ITFG1: variants seen among roughly 807,000 people sequenced by gnomAD.
ITFG1 encodes the protein T-cell immunomodulatory protein.
ITFG1 carries 34 observed loss-of-function variants against 81.8 expected under a neutral mutation model. The observed-to-expected ratio is 0.42, with a 90% CI of 0.32 to 0.55. The LOEUF is 0.55. ITFG1 is among the 20% of genes least tolerant of loss of function. ITFG1 has a pLI of 0.17. For synonymous variants in ITFG1, 285 were observed against 270.6 expected, an observed-to-expected ratio of 1.05 and a Z score of -0.52; for missense variants, 672 against 755.4, an observed-to-expected ratio of 0.89 and a Z score of 1.29.
At chr16:47,237,449 AT>A (rs1965889396) in intron 13 of ITFG1, among the ~76,000 whole-genome samples, 1 of 152,210 alleles carries the variant, frequency 6.6e-6, no homozygotes, top group Admixed American at 6.5e-5. Context: ...TAAATACAAT[AT>A]TCTTATTACA....
At chr16:47,448,070 A>G (rs1020766280) in intron 5 of ITFG1, 2 of 152,206 alleles carry the variant, frequency 1.3e-5, no homozygotes, top group Admixed American at 6.5e-5. Context: ...TATGGGTATT[A>G]ACGCTGATTA....
chr16:47,406,276 T>C (rs1448002472), intron 6 of ITFG1, among the ~76,000 whole-genome samples: 1 of 152,168 alleles, frequency 6.6e-6, no homozygotes, highest in Non-Finnish European at 1.5e-5. Flanking sequence ...TCTTGAAAAA[T>C]GTGTCTGTTA....
At chr16:47,350,753 C>T (rs1400084939) in intron 8 of ITFG1, among the ~76,000 whole-genome samples, 1 of 152,018 alleles carries the variant, frequency 6.6e-6, no homozygotes, top group South Asian at 2.1e-4. Flanking sequence ...CGGGCAGAGC[C>T]ACAACAAAAA....
intron 5 of ITFG1, among the ~76,000 whole-genome samples, chr16:47,438,715 T>C (rs1030795227): frequency 6.6e-6 from 1 of 152,122 alleles, no homozygotes; most frequent in African/African-American, 2.4e-5. Flanking sequence ...CAAAGGTAGA[T>C]AAAACCACAA....
chr16:47,456,166 C>T (rs1969450261), intron 2 of ITFG1, among the ~76,000 whole-genome samples: 2 of 152,066 alleles, frequency 1.3e-5, no homozygotes, highest in African/African-American at 4.8e-5. Context: ...TGTGACTGCA[C>T]TCCTTTTTCA....
chr16:47,276,864 G>T (rs779810874), intron 10 of ITFG1, among the ~76,000 whole-genome samples: 3 of 152,046 alleles, frequency 2.0e-5, no homozygotes, highest in Non-Finnish European at 4.4e-5. Flanking sequence ...CAAAAATAAA[G>T]TTTAGGTACA....
intron 13 of ITFG1, among the ~76,000 whole-genome samples, chr16:47,222,923 TA>T (rs558781137): frequency 1.5e-3 from 229 of 152,242 alleles, no homozygotes; most frequent in Non-Finnish European, 2.6e-3. Context: ...ATTTAGGAAA[TA>T]ACGCCGTATA....
chr16:47,358,943 G>A (rs1397497450), intron 8 of ITFG1, among the ~76,000 whole-genome samples: 2 of 152,014 alleles, frequency 1.3e-5, no homozygotes, highest in Non-Finnish European at 2.9e-5. Context: ...CAGGAAAGCA[G>A]GGCGGAAGTG....
chr16:47,178,020 G>T (rs1440461263), intron 14 of ITFG1, among the ~76,000 whole-genome samples: 1 of 152,170 alleles, frequency 6.6e-6, no homozygotes, highest in Non-Finnish European at 1.5e-5. Flanking sequence ...GACGCCAAAA[G>T]ATATTATGAC....
intron 13 of ITFG1, among the ~76,000 whole-genome samples, chr16:47,234,197 T>C (rs1199702959): frequency 6.6e-6 from 1 of 152,186 alleles, no homozygotes; most frequent in Non-Finnish European, 1.5e-5. Flanking sequence ...CATTTTGGAA[T>C]GATCAGACCA....
chr16:47,195,741 T>G (rs1965350010), intron 14 of ITFG1, among the ~76,000 whole-genome samples: 1 of 152,146 alleles, frequency 6.6e-6, no homozygotes, highest in Admixed American at 6.5e-5. Context: ...TGTTGTTGTT[T>G]TAATTTCTTC....
At chr16:47,201,211 T>C (rs1263525694) in intron 14 of ITFG1, among the ~76,000 whole-genome samples, 1 of 151,184 alleles carries the variant, frequency 6.6e-6, no homozygotes, top group South Asian at 2.1e-4. Context: ...AGGAGAATTT[T>C]TTTTTTTTTT....
At chr16:47,182,916 C>A (rs186350462) in intron 14 of ITFG1, among the ~76,000 whole-genome samples, 23 of 152,250 alleles carry the variant, frequency 1.5e-4, no homozygotes, top group Admixed American at 1.5e-3. Flanking sequence ...GTGCGCACAC[C>A]GTGCGCGAGC....
rs543462166 is a variant in ITFG1, at chr16:47,158,801, G to A, written c.1779+72C>T. On this transcript the variant is annotated intron_variant, in intron 17 of 17. Coordinates refer to ENST00000320640, the MANE Select transcript of ITFG1 (RefSeq NM_030790.5). Reference sequence around the variant, plus strand: ...GAAAAAAGTTTAAAATAAATATAGTGTTTTTAAAGAGCAATGTATGTATTA... The same window carrying A: ...GAAAAAAGTTTAAAATAAATATAGTATTTTTAAAGAGCAATGTATGTATTA... 8.6e-6 allele frequency: 6 copies of A among 696,504 alleles called. No homozygotes were observed. The East Asian group carries it at 1.4e-4, about 16-fold the overall frequency. 43.1% of individuals were successfully genotyped at this position (696,504 alleles called of 1,614,324 possible). A position where few individuals can be genotyped will look rare whatever the true frequency, so the allele number is the denominator to read the frequency against.
At chr16:47,401,458 C>T (rs182800064) in intron 6 of ITFG1, among the ~76,000 whole-genome samples, 1 of 152,094 alleles carries the variant, frequency 6.6e-6, no homozygotes, top group East Asian at 1.9e-4. Context: ...AGGAAAAGGG[C>T]TGAGTACAAA....
chr16:47,371,225 T>C (rs1968249716), intron 7 of ITFG1, among the ~76,000 whole-genome samples: 1 of 152,240 alleles, frequency 6.6e-6, no homozygotes, highest in South Asian at 2.1e-4. Flanking sequence ...TTGCTAGCCA[T>C]GAGGCAGGAA....
At chr16:47,306,272 AATG>A (rs1301138313) in intron 10 of ITFG1, among the ~76,000 whole-genome samples, 3 of 152,198 alleles carry the variant, frequency 2.0e-5, no homozygotes, top group South Asian at 2.1e-4. Flanking sequence ...AATTAACTGG[AATG>A]ATATTTCAGA....
chr16:47,285,216 T>C (rs1223991412), intron 10 of ITFG1, among the ~76,000 whole-genome samples: 1 of 152,038 alleles, frequency 6.6e-6, no homozygotes, highest in Admixed American at 6.6e-5. Flanking sequence ...CCCTATACCC[T>C]GGGGGAAGAA....
At chr16:47,459,076 T>C in intron 2 of ITFG1, 27 bp downstream of exon 2, 1 of 1,342,406 alleles carries the variant, frequency 7.4e-7, no homozygotes, top group South Asian at 1.2e-5. Context: ...ACTAAAGTTT[T>C]ATCAAAATAA....
Sources: gnomAD v4.1 joint callset for allele counts (sites outside exome capture counted in the v4.1 genomes callset) on GRCh38, gnomAD v4.1.1 for gene constraint, MANE v1.5 for transcripts, NCBI Gene and HGNC (gene_info 2026-07-23, HGNC 2026-07-21) for gene names.